The following SCAI variants were observed in gnomAD, a reference collection of about 807,000 sequenced individuals.
The protein encoded by SCAI is protein SCAI.
Under a neutral mutation model 92.2 loss-of-function variants are expected in SCAI, and 24 were observed. The ratio of observed to expected loss-of-function variants is 0.26; its 90% CI spans 0.19 to 0.37. The LOEUF is 0.37. SCAI is among the 10% of genes least tolerant of loss of function. The pLI is 1.00. For missense variants in SCAI, 450 were observed against 736.2 expected (o/e 0.61, Z 4.50); for synonymous variants, 261 against 258.6 (o/e 1.01, Z -0.09).
intron 14 of SCAI, among the ~76,000 whole-genome samples, chr9:124,978,988 G>C (rs1016231711): frequency 6.6e-6 from 1 of 151,894 alleles, no homozygotes; most frequent in African/African-American, 2.4e-5. Context: ...AGCCTCCTGA[G>C]TAGCTGGGAT....
At chr9:125,076,360 G>A (rs183547505) in intron 2 of SCAI, among the ~76,000 whole-genome samples, 15 of 151,908 alleles carry the variant, frequency 9.9e-5, no homozygotes, top group Admixed American at 2.6e-4. Context: ...TTAGCCAGGC[G>A]TGGTGGCACG....
intron 9 of SCAI, among the ~76,000 whole-genome samples, chr9:125,017,290 T>G (rs10481693): frequency 0.62 from 93,895 of 151,894 alleles, 29,313 homozygotes; most frequent in Admixed American, 0.65. Context: ...AGTCATCTAG[T>G]TCGGTGATAT....
chr9:124,978,566 T>C (rs1344851334), intron 14 of SCAI, among the ~76,000 whole-genome samples: 1 of 152,218 alleles, frequency 6.6e-6, no homozygotes, highest in Non-Finnish European at 1.5e-5. Context: ...ATAAACACTT[T>C]AGAAGACAAT....
At chr9:125,099,806 G>A (rs1834641792) in intron 2 of SCAI, among the ~76,000 whole-genome samples, 1 of 152,138 alleles carries the variant, frequency 6.6e-6, no homozygotes, top group African/African-American at 2.4e-5. Flanking sequence ...TTTGTGTCTG[G>A]CTTATTTCAT....
In SCAI at chr9:124,953,872, A is replaced by T. The variant is rs543965706; in HGVS notation, c.1675-919T>A. 2.6e-5 allele frequency among the ~76,000 whole-genome samples: 4 copies of T among 152,290 alleles called. No homozygotes were observed. In the South Asian group the frequency reaches 8.3e-4, roughly 32 times the overall value. On this transcript the variant is annotated intron_variant, in intron 17 of 17. Transcript: ENST00000336505. ...CTATAGGACTCACTCACACATTACA[A>T]AAATAAATTTTTTTTTTTGAGATAA...
rs137966798 is a variant in SCAI at position 125,011,610 on chromosome 9, C to T, written c.861+7189G>A. On this transcript the variant is annotated intron_variant, in intron 9 of 17. Transcript: ENST00000336505. Reference sequence around the variant, plus strand: ...TGGAACCAAGTTGGAAAACACTCTGCGGATATTATCCAGGAGAACTTCCCC... The same window carrying T: ...TGGAACCAAGTTGGAAAACACTCTGTGGATATTATCCAGGAGAACTTCCCC... Among the ~76,000 whole-genome samples the T allele has an allele frequency of 9.2e-3, 1,406 of 152,236 alleles. 13 individuals carry two copies. The highest frequency in any genetic ancestry group is 0.035 in the East Asian group (180 of 5,182).
intron 2 of SCAI, among the ~76,000 whole-genome samples, chr9:125,093,352 C>T (rs1195322113): frequency 6.6e-5 from 10 of 152,130 alleles, no homozygotes; most frequent in African/African-American, 2.2e-4. Flanking sequence ...CAGAACAAAA[C>T]TCCATCTCAA....
At chr9:125,113,474 G>C (rs753804726) in intron 2 of SCAI, among the ~76,000 whole-genome samples, 2 of 151,858 alleles carry the variant, frequency 1.3e-5, no homozygotes, top group Admixed American at 1.3e-4. Context: ...ACTGTAATGT[G>C]GTATCCTGGG....
intron 9 of SCAI, among the ~76,000 whole-genome samples, chr9:125,011,943 T>G (rs558552144): frequency 6.6e-6 from 1 of 152,214 alleles, no homozygotes; most frequent in East Asian, 1.9e-4. Context: ...GCTTGATAAG[T>G]GAAGGAGAAA....
chr9:124,998,944 T>C (rs2131627772), intron 13 of SCAI, among the ~76,000 whole-genome samples: 1 of 151,970 alleles, frequency 6.6e-6, no homozygotes, highest in South Asian at 2.1e-4. Context: ...AGAAAAAAGA[T>C]ATTAAATGTT....
chr9:124,988,976 A>G (rs1398024299), intron 14 of SCAI, among the ~76,000 whole-genome samples: 1 of 151,944 alleles, frequency 6.6e-6, no homozygotes, highest in Non-Finnish European at 1.5e-5. Flanking sequence ...CATCTCTACT[A>G]AAAAAATACA....
At chr9:125,143,201 G>A (rs1236736946) in intron 1 of SCAI, among the ~76,000 whole-genome samples, 184 bp downstream of exon 1, 2 of 148,628 alleles carry the variant, frequency 1.3e-5, no homozygotes, top group East Asian at 2.0e-4. Context: ...ACCTGGCCTC[G>A]AGGAGGCGAT....
intron 2 of SCAI, among the ~76,000 whole-genome samples, chr9:125,132,204 C>T (rs769580701): frequency 5.3e-5 from 8 of 151,818 alleles, no homozygotes; most frequent in Non-Finnish European, 1.0e-4. Context: ...ACCACCAGCT[C>T]CTGGGTTTAA....
chr9:124,996,184 C>T (rs996516727), intron 13 of SCAI, among the ~76,000 whole-genome samples: 1 of 117,466 alleles, frequency 8.5e-6, no homozygotes, highest in Non-Finnish European at 1.6e-5. Context: ...ATTCCCACAC[C>T]GTTACCCTTC....
chr9:125,100,213 A>G (rs572563632), intron 2 of SCAI, among the ~76,000 whole-genome samples: 1 of 152,358 alleles, frequency 6.6e-6, no homozygotes, highest in South Asian at 2.1e-4. Flanking sequence ...TTAGCTTAGA[A>G]TTGCAACTTG....
At chr9:124,956,248 C>T (rs1043205115) in intron 17 of SCAI, among the ~76,000 whole-genome samples, 12 of 152,006 alleles carry the variant, frequency 7.9e-5, no homozygotes, top group African/African-American at 2.2e-4. Flanking sequence ...GATGGAGTTT[C>T]GCTCTTGTTG....
intron 14 of SCAI, among the ~76,000 whole-genome samples, chr9:124,994,614 A>G (rs1293327951): frequency 6.6e-6 from 1 of 152,148 alleles, no homozygotes; most frequent in African/African-American, 2.4e-5. Context: ...TTATACCTCT[A>G]CCTCTATAAA....
At chr9:125,018,664 T>G in intron 9 of SCAI, 135 bp downstream of exon 9, 1 of 701,114 alleles carries the variant, frequency 1.4e-6, no homozygotes. Flanking sequence ...ATTCCATATA[T>G]GCACACAGCA....
At chr9:125,082,168 T>C (rs1312972726) in intron 2 of SCAI, among the ~76,000 whole-genome samples, 1 of 152,198 alleles carries the variant, frequency 6.6e-6, no homozygotes, top group African/African-American at 2.4e-5. Flanking sequence ...CTTGGTGCCC[T>C]GCATCCCAGA....
Sources: allele counts gnomAD v4.1 joint callset (sites outside exome capture counted in the v4.1 genomes callset), GRCh38; gene constraint gnomAD v4.1.1; transcripts MANE v1.5; gene names NCBI Gene and HGNC (gene_info 2026-07-23, HGNC 2026-07-21).